Variants in ARID5B observed in about 807,000 individuals in gnomAD.
The protein encoded by ARID5B is AT-rich interactive domain-containing protein 5B.
In ARID5B, 13 loss-of-function variants were observed where a neutral mutation model predicts 97.2. That is an observed-to-expected ratio of 0.13 (90% confidence interval 0.09 to 0.21). The LOEUF is 0.21. ARID5B is among the 10% of genes least tolerant of loss of function. ARID5B has a pLI of 1.00. For missense variants in ARID5B, 1,210 were observed against 1,465.3 expected (o/e 0.83, Z 2.84); for synonymous variants, 556 against 570.3 (o/e 0.97, Z 0.36).
chr10:62,049,477 G>A, intron 4 of ARID5B: 17 of 1,550,496 alleles, frequency 1.1e-5, no homozygotes, highest in Non-Finnish European at 1.5e-5. Flanking sequence ...TTTGTCGACT[G>A]GAATGGGTAA....
intron 3 of ARID5B, among the ~76,000 whole-genome samples, chr10:61,949,145 T>G (rs1226405918): frequency 2.6e-5 from 4 of 152,236 alleles, no homozygotes; most frequent in African/African-American, 9.6e-5. Flanking sequence ...CGGTCTACAG[T>G]TGAAGACCAG....
chr10:61,986,750 C>T (rs1397125437), intron 3 of ARID5B, among the ~76,000 whole-genome samples: 1 of 152,164 alleles, frequency 6.6e-6, no homozygotes, highest in Non-Finnish European at 1.5e-5. Flanking sequence ...CCTTCTTTCT[C>T]AAGGAACTAG....
At chr10:61,990,981 C>A (rs1039672032) in intron 3 of ARID5B, among the ~76,000 whole-genome samples, 1 of 149,350 alleles carries the variant, frequency 6.7e-6, no homozygotes, top group African/African-American at 2.5e-5. Flanking sequence ...TATGAGTCAC[C>A]CTGTTTTGTG....
intron 3 of ARID5B, among the ~76,000 whole-genome samples, chr10:61,953,623 C>A (rs955486023): frequency 6.6e-6 from 1 of 152,152 alleles, no homozygotes; most frequent in Admixed American, 6.6e-5. Flanking sequence ...AGAGCATGAA[C>A]TTTACAAAGT....
intron 3 of ARID5B, among the ~76,000 whole-genome samples, chr10:61,948,927 C>A (rs1044171303): frequency 6.6e-6 from 1 of 152,238 alleles, no homozygotes; most frequent in African/African-American, 2.4e-5. Flanking sequence ...TGCCACTACA[C>A]TCCCTGAAGT....
At chr10:62,003,253 G>A (rs1372489666) in intron 4 of ARID5B, among the ~76,000 whole-genome samples, 4 of 152,122 alleles carry the variant, frequency 2.6e-5, no homozygotes, top group African/African-American at 9.7e-5. Flanking sequence ...ACACCTGAAA[G>A]GTTAACTAAT....
chr10:62,068,649 C>G (rs1840024302), intron 7 of ARID5B, among the ~76,000 whole-genome samples: 1 of 151,956 alleles, frequency 6.6e-6, no homozygotes, highest in Admixed American at 6.6e-5. Context: ...CCACTGGCAC[C>G]TTTGCCACGC....
intron 4 of ARID5B, among the ~76,000 whole-genome samples, chr10:62,050,007 G>T (rs1209781517): frequency 2.6e-5 from 4 of 152,300 alleles, no homozygotes; most frequent in South Asian, 4.1e-4. Flanking sequence ...GACTGATGAA[G>T]TTAAATGTGA....
chr10:62,022,461 G>A (rs1453070823), intron 4 of ARID5B, among the ~76,000 whole-genome samples: 1 of 152,238 alleles, frequency 6.6e-6, no homozygotes, highest in South Asian at 2.1e-4. Context: ...GGAAAGAGGA[G>A]CTGGCCCTCT....
At chr10:62,053,650 A>G (rs1275531522) in intron 5 of ARID5B, among the ~76,000 whole-genome samples, 1 of 152,196 alleles carries the variant, frequency 6.6e-6, no homozygotes, top group African/African-American at 2.4e-5. Context: ...GACCCTAATA[A>G]AAGGCCTACA....
intron 3 of ARID5B, among the ~76,000 whole-genome samples, chr10:61,951,915 G>A (rs1404023433): frequency 3.3e-5 from 5 of 151,802 alleles, no homozygotes; most frequent in Non-Finnish European, 4.4e-5. Flanking sequence ...TTCAGCTGCT[G>A]AATATTTCAT....
At chr10:61,922,186 A>G (rs1449118273) in intron 2 of ARID5B, among the ~76,000 whole-genome samples, 1 of 152,230 alleles carries the variant, frequency 6.6e-6, no homozygotes, top group Non-Finnish European at 1.5e-5. Context: ...TGTCTTGATC[A>G]TTGCATTTGG....
intron 8 of ARID5B, among the ~76,000 whole-genome samples, chr10:62,073,877 AGT>A (rs1840095709): frequency 6.6e-6 from 1 of 152,204 alleles, no homozygotes; most frequent in Non-Finnish European, 1.5e-5. Context: ...ATTCTTTCTA[AGT>A]GGAACATTTT....
chr10:61,902,125 ATTAT>A (rs1843626568), intron 1 of ARID5B, 30 bp from the exon 2 acceptor site: 2 of 1,609,770 alleles, frequency 1.2e-6, no homozygotes, highest in Non-Finnish European at 8.5e-7. Context: ...TGATGGCTAC[ATTAT>A]TTATTTGGTG....
At chr10:61,960,068 G>A (rs369625697) in intron 3 of ARID5B, among the ~76,000 whole-genome samples, 3 of 152,114 alleles carry the variant, frequency 2.0e-5, no homozygotes, top group Non-Finnish European at 2.9e-5. Context: ...GTGTCTACCC[G>A]CTTGGTTGGT....
chr10:61,904,324 G>T (rs1843672522), intron 2 of ARID5B, among the ~76,000 whole-genome samples: 2 of 152,050 alleles, frequency 1.3e-5, no homozygotes, highest in African/African-American at 2.4e-5. Context: ...ACCCTGAGTT[G>T]ACCCCACTTG....
chr10:61,969,383 A>G (rs902726529), intron 3 of ARID5B, among the ~76,000 whole-genome samples: 1 of 152,146 alleles, frequency 6.6e-6, no homozygotes, highest in African/African-American at 2.4e-5. Flanking sequence ...TGGAAAAGGA[A>G]TTGAACCTAT....
intron 4 of ARID5B, among the ~76,000 whole-genome samples, chr10:62,007,752 T>C (rs963595246): frequency 2.6e-5 from 4 of 152,170 alleles, no homozygotes; most frequent in Non-Finnish European, 5.9e-5. Flanking sequence ...AGTATGTCAT[T>C]TGCTATTAAA....
chr10:62,066,562 T>C (rs1027288878), intron 7 of ARID5B, among the ~76,000 whole-genome samples: 3 of 152,190 alleles, frequency 2.0e-5, no homozygotes, highest in Non-Finnish European at 4.4e-5. Flanking sequence ...TACTAAGTGC[T>C]AGGGGGCTGA....
Sources: allele counts gnomAD v4.1 joint callset (sites outside exome capture counted in the v4.1 genomes callset), GRCh38; gene constraint gnomAD v4.1.1; transcripts MANE v1.5; gene names NCBI Gene and HGNC (gene_info 2026-07-23, HGNC 2026-07-21).